RB1CC1: variants seen among roughly 807,000 people sequenced by gnomAD.
RB1CC1 encodes the protein RB1-inducible coiled-coil protein 1.
A neutral mutation model predicts 177.5 loss-of-function variants in RB1CC1; 46 were observed. The observed-to-expected ratio is 0.26, with a 90% CI of 0.20 to 0.33. The LOEUF is 0.33. Ranked by LOEUF, RB1CC1 falls within the 10% of genes least tolerant of loss-of-function variation. The probability of loss-of-function intolerance (pLI) is 1.00; values close to 1 mark genes in which losing one functional copy is unlikely to be tolerated. For missense variants in RB1CC1, 1,703 were observed against 1,816.3 expected, an observed-to-expected ratio of 0.94 and a Z score of 1.13; for synonymous variants, 666 against 613.6, an observed-to-expected ratio of 1.09 and a Z score of -1.26.
rs377146519 is a variant in RB1CC1 at position 52,627,983 on chromosome 8, T to C, written c.4636+49A>G. 45 of 1,463,624 alleles carry C rather than the reference T, an allele frequency of 3.1e-5. No homozygotes were observed. In the East Asian group the frequency reaches 3.3e-4, roughly 11 times the overall value. 90.7% of individuals were successfully genotyped at this position (1,463,624 alleles called of 1,614,324 possible). A position where few individuals can be genotyped will look rare whatever the true frequency, so the allele number is the denominator to read the frequency against. On this transcript the variant is annotated intron_variant, in intron 22 of 23. Transcript: ENST00000025008. ...AGGGAAAAAAAAATCTTTACTTATA[T>C]AATTTCCTCCATTCCAGGTTTATAT...
intron 18 of RB1CC1, among the ~76,000 whole-genome samples, chr8:52,639,101 C>T (rs1391436206): frequency 3.9e-5 from 6 of 151,976 alleles, no homozygotes; most frequent in Admixed American, 3.9e-4. Context: ...ACTTTTTAAC[C>T]TAACATATTG....
chr8:52,653,321 G>A (rs750344435), intron 15 of RB1CC1, among the ~76,000 whole-genome samples: 7 of 152,246 alleles, frequency 4.6e-5, no homozygotes, highest in Non-Finnish European at 7.4e-5. Context: ...GAGTGGCAGA[G>A]GCCAGTTAGT....
intron 1 of RB1CC1, among the ~76,000 whole-genome samples, chr8:52,707,432 C>CTT (rs386412758): frequency 0.22 from 27,725 of 128,640 alleles, 3,529 homozygotes; most frequent in East Asian, 0.62. Flanking sequence ...TTCTTTCTTT[C>CTT]TTTTTTTTTT....
At chr8:52,683,191 A>G (rs1202173259) in intron 5 of RB1CC1, among the ~76,000 whole-genome samples, 5 of 152,178 alleles carry the variant, frequency 3.3e-5, no homozygotes, top group Non-Finnish European at 7.4e-5. Context: ...CTAACCACAA[A>G]TATGGAAAAA....
chr8:52,658,495 G>C (rs549898755), intron 13 of RB1CC1, among the ~76,000 whole-genome samples: 2 of 150,106 alleles, frequency 1.3e-5, no homozygotes, highest in East Asian at 3.9e-4. Context: ...GAGAACTGCT[G>C]GAACATGGGA....
chr8:52,675,941 C>T lies in RB1CC1; in HGVS notation c.572+428G>A, dbSNP rs549636163. On this transcript the variant is annotated intron_variant, in intron 6 of 23. Coordinates refer to ENST00000025008, the MANE Select transcript of RB1CC1 (RefSeq NM_014781.5). ...ACAGACAACACAAGGGCTTTTTTTC[C>T]ACCTCATCAAACCTGTATCAGGATG... Among the ~76,000 whole-genome samples the T allele has an allele frequency of 3.3e-5, 5 of 150,150 alleles. No homozygotes were observed. The East Asian group carries it at 9.8e-4, about 29-fold the overall frequency.
In RB1CC1 at chr8:52,623,552, TA is replaced by T. The variant is rs199511696; in HGVS notation, c.*229del. The stretch of plus-strand genomic sequence containing the variant: ...GTCCGCATTTCTAGAGTTGTCTGGG[TA>T]AAAAAAAAAACCAAAAAACAAAAAC... On this transcript the variant is annotated 3_prime_UTR_variant, in exon 24 of 24. Transcript: ENST00000025008. 0.011 allele frequency: 4,344 copies of T among 396,702 alleles called. No homozygotes were observed. The highest frequency in any genetic ancestry group is 0.015 in the East Asian group (302 of 19,550). The allele number at this position is 396,702 out of a possible 1,614,324, so 24.6% of individuals were successfully genotyped here.
At chr8:52,658,812 C>G (rs1252815863) in intron 13 of RB1CC1, 61 bp downstream of exon 13, 1 of 1,250,252 alleles carries the variant, frequency 8.0e-7, no homozygotes, top group South Asian at 1.5e-5. Context: ...CCTGGCACAA[C>G]TCCAGAATAA....
At chr8:52,676,061 T>C (rs1853095443) in intron 6 of RB1CC1, among the ~76,000 whole-genome samples, 3 of 152,196 alleles carry the variant, frequency 2.0e-5, no homozygotes, top group African/African-American at 4.8e-5. Flanking sequence ...ATCTTGCCTT[T>C]TGTTTAGTGG....
intron 20 of RB1CC1, among the ~76,000 whole-genome samples, chr8:52,633,279 T>A (rs1848891995): frequency 6.6e-6 from 1 of 152,212 alleles, no homozygotes. Context: ...ACTTTTGGGT[T>A]CACAATTAAT....
chr8:52,696,940 A>G (rs1855470572), intron 1 of RB1CC1, among the ~76,000 whole-genome samples: 1 of 152,088 alleles, frequency 6.6e-6, no homozygotes, highest in Admixed American at 6.6e-5. Context: ...GGGATGGAGG[A>G]TGCAGTGAGC....
In RB1CC1 at chr8:52,623,060, G is replaced by A. The variant is rs1379967594; in HGVS notation, c.*722C>T. 6.6e-6 allele frequency: 1 copy of A among 152,202 alleles called. No individual in the cohort carries two copies. Among genetic ancestry groups the A allele is most frequent in the Non-Finnish European group, 1.5e-5 (1 of 67,752 alleles). 9.4% of individuals were successfully genotyped at this position (152,202 alleles called of 1,614,324 possible). ...ATTATTCTAGAGTCATAAAGATGTT[G>A]GGAAGGTTTGAGTCTGCATTTGAAA... is the stretch of plus-strand genomic sequence containing the variant. On this transcript the variant is annotated 3_prime_UTR_variant, in exon 24 of 24. Coordinates refer to ENST00000025008, the MANE Select transcript of RB1CC1 (RefSeq NM_014781.5).
chr8:52,713,989 T>C (rs896366345), intron 1 of RB1CC1, 86 bp downstream of exon 1: 35 of 291,018 alleles, frequency 1.2e-4, no homozygotes, highest in East Asian at 8.5e-4. Flanking sequence ...CCCTGGACCA[T>C]GCGACCCCGG....
chr8:52,624,796 AT>A lies in RB1CC1; in HGVS notation c.4637-10del. On this transcript the variant is annotated splice_polypyrimidine_tract_variant and intron_variant, in intron 22 of 23. Transcript: ENST00000025008. ...TCTAGATGCACCTGAAGCTAATGAA[AT>A]TAAATAGTTAATCTCTTTTTGAAAG... is the stretch of plus-strand genomic sequence containing the variant. The A allele has an allele frequency of 6.7e-7, 1 of 1,496,782 alleles. No individual in the cohort carries two copies. The highest frequency in any genetic ancestry group is 1.4e-5 in the African/African-American group (1 of 69,682). 92.7% of individuals were successfully genotyped at this position (1,496,782 alleles called of 1,614,324 possible). A position where few individuals can be genotyped will look rare whatever the true frequency, so the allele number is the denominator to read the frequency against.
rs1299945905 is a variant in RB1CC1 at position 52,656,401 on chromosome 8, C to G, written c.3428G>C (p.Arg1143Thr). 6.2e-7 allele frequency: 1 copy of G among 1,611,026 alleles called. No homozygotes were observed. The highest frequency in any genetic ancestry group is 1.3e-5 in the African/African-American group (1 of 74,652). Residue 1143 changes from arginine to threonine, a missense_variant, in exon 15 of 24, where the codon AGA becomes ACA. Coordinates refer to ENST00000025008, the MANE Select transcript of RB1CC1 (RefSeq NM_014781.5). ...KDQCISELIS[R>T]HEEESNILKA... Reference sequence around the variant, plus strand: ...AAGTATATTAGATTCTTCTTCATGTCTACTAATTAACTCGGAAATACACTG... The same window carrying G: ...AAGTATATTAGATTCTTCTTCATGTGTACTAATTAACTCGGAAATACACTG...
Position 52,674,075 on chromosome 8 carries a change from A to G in RB1CC1, c.772T>C (p.Phe258Leu), listed in dbSNP as rs898720424. 6.2e-7 allele frequency: 1 copy of G among 1,614,162 alleles called. No individual in the cohort carries two copies. The highest frequency in any genetic ancestry group is 1.3e-5 in the African/African-American group (1 of 75,060). Residue 258 changes from phenylalanine (F) to leucine (L), a missense_variant, in exon 7 of 24, where the codon TTT becomes CTT. By Grantham distance (22) the Phe-to-Leu change is conservative. Transcript: ENST00000025008. ...RTTNESLLTS[F>L]PKSVEHVSPD... Reference sequence around the variant, plus strand: ...GACACATGTTCCACTGACTTGGGAAATGAGGTTAACAAAGATTCGTTAGTT... The same window carrying G: ...GACACATGTTCCACTGACTTGGGAAGTGAGGTTAACAAAGATTCGTTAGTT...
In RB1CC1 at chr8:52,623,856, G is replaced by C; in HGVS notation, c.4711C>G (p.Gln1571Glu). The part of the protein sequence containing the change: ...EKEYCQAKKA[Q>E]NRFKVPLGTK... ...CCCAAAGGAACTTTAAATCTGTTTT[G>C]TGCCTAAGAGGGAAAGAAAAAATGG... is the stretch of plus-strand genomic sequence containing the variant. Residue 1571 changes from glutamine to glutamate, a missense_variant, in exon 24 of 24, where the codon CAA becomes GAA. Around this residue, in one of 6 missense-constraint regions of RB1CC1, gnomAD observed 70 missense variants for 118.0 expected, o/e 0.59. Coordinates refer to ENST00000025008, the MANE Select transcript of RB1CC1 (RefSeq NM_014781.5). 1 of 1,602,844 alleles carries C rather than the reference G, an allele frequency of 6.2e-7. No individual in the cohort carries two copies. The highest frequency in any genetic ancestry group is 8.5e-7 in the Non-Finnish European group (1 of 1,170,926).
Position 52,645,791 on chromosome 8 carries a change from C to G in RB1CC1, c.3898G>C (p.Ala1300Pro). ...ELQEKLQEEK[A>P]KFLEQLEEQE... is the part of the protein sequence containing the mutation. ...TCTTCAAGTTGTTCTAGAAACTTAG[C>G]TTTTTCTTCCTGAAGCTTTTCTTGA... Residue 1300 changes from alanine to proline, a missense_variant, in exon 16 of 24, where the codon GCT becomes CCT. By Grantham distance (27) the Ala-to-Pro change is conservative. Coordinates refer to ENST00000025008, the MANE Select transcript of RB1CC1 (RefSeq NM_014781.5). 2 of 1,610,414 alleles carry G rather than the reference C, an allele frequency of 1.2e-6. No individual in the cohort carries two copies. The highest frequency in any genetic ancestry group is 1.7e-6 in the Non-Finnish European group (2 of 1,178,950).
rs748101375 is a variant in RB1CC1 at position 52,645,838 on chromosome 8, G to C, written c.3851C>G (p.Ser1284Cys). 1 of 1,608,906 alleles carries C rather than the reference G, an allele frequency of 6.2e-7. No individual in the cohort carries two copies. Among genetic ancestry groups the C allele is most frequent in the South Asian group, 1.1e-5 (1 of 89,696 alleles). Residue 1284 changes from serine (S) to cysteine (C), a missense_variant, in exon 16 of 24, where the codon TCT (serine) becomes TGT (cysteine). Transcript: ENST00000025008. ...TTGAAGTTCAGCAACTAAGCTTGAA[G>C]AATCTCCTCTGGTAGAGTCAATGGC... ...SPAIDSTRGD[S>C]SSLVAELQEK... is the part of the protein sequence containing the mutation.
Sources: allele counts gnomAD v4.1 joint callset (sites outside exome capture counted in the v4.1 genomes callset), GRCh38; gene constraint gnomAD v4.1.1; regional missense constraint gnomAD v4.1.1; transcripts MANE v1.5; gene names NCBI Gene and HGNC (gene_info 2026-07-23, HGNC 2026-07-21).